The following MYO1E variants were observed in gnomAD, a reference collection of about 807,000 sequenced individuals.
MYO1E encodes the protein myosin IE, also known as unconventional myosin-Ie.
MYO1E carries 68 observed loss-of-function variants against 151.1 expected under a neutral mutation model. That is an observed-to-expected ratio of 0.45 (90% CI 0.37 to 0.55). The LOEUF (loss-of-function observed/expected upper bound fraction) is 0.55. Among genes scored for constraint, MYO1E ranks in the 20% least tolerant of loss-of-function variants. The pLI is 0.00. For missense variants in MYO1E, 1,363 were observed against 1,389.3 expected, an observed-to-expected ratio of 0.98 and a Z score of 0.30; for synonymous variants, 601 against 501.7, an observed-to-expected ratio of 1.20 and a Z score of -2.64.
rs768996883 is a variant in MYO1E at position 59,133,482 on chromosome 15, TAGAAAGGGTGCTCA to T, written c.*3884_*3897del. ...AACCATACTGAGCCAGTCTTCTTGT[TAGAAAGGGTGCTCA>T]GAGTGGAAAGGTATGATCTAGTAGG... On this transcript the variant is annotated 3_prime_UTR_variant, in exon 28 of 28. Coordinates refer to ENST00000288235, the MANE Select transcript of MYO1E (RefSeq NM_004998.4). 2 of 136,026 alleles carry T rather than the reference TAGAAAGGGTGCTCA, an allele frequency of 1.5e-5. No individual in the cohort carries two copies. The highest frequency in any genetic ancestry group is 2.4e-4 in the East Asian group (1 of 4,088). The allele number at this position is 136,026 out of a possible 1,614,324, so 8.4% of individuals were successfully genotyped here. A position where few individuals can be genotyped will look rare whatever the true frequency, so the allele number is the denominator to read the frequency against.
At chr15:59,148,169 T>G (rs1817924503) in intron 26 of MYO1E, among the ~76,000 whole-genome samples, 1 of 152,122 alleles carries the variant, frequency 6.6e-6, no homozygotes, top group African/African-American at 2.4e-5. Flanking sequence ...ATTATACAGG[T>G]GAAGACACCA....
At chr15:59,293,142 G>C (rs1183197158) in intron 1 of MYO1E, among the ~76,000 whole-genome samples, 2 of 152,112 alleles carry the variant, frequency 1.3e-5, no homozygotes, top group African/African-American at 2.4e-5. Context: ...TATTCTGCTA[G>C]GAAAAGAAGG....
At chr15:59,322,119 G>T (rs1216054417) in intron 1 of MYO1E, among the ~76,000 whole-genome samples, 2 of 151,354 alleles carry the variant, frequency 1.3e-5, no homozygotes, top group Non-Finnish European at 2.9e-5. Flanking sequence ...AGGTTGCAGT[G>T]AGCCAAGTTC....
At chr15:59,303,162 T>C (rs1196172746) in intron 1 of MYO1E, among the ~76,000 whole-genome samples, 1 of 152,198 alleles carries the variant, frequency 6.6e-6, no homozygotes, top group Non-Finnish European at 1.5e-5. Context: ...CTAAATTTGA[T>C]TGTTAGAATT....
chr15:59,150,517 A>C (rs1431082595), intron 26 of MYO1E, among the ~76,000 whole-genome samples: 1 of 152,240 alleles, frequency 6.6e-6, no homozygotes, highest in African/African-American at 2.4e-5. Context: ...CAGCTAGCAC[A>C]CAGAGCTAAG....
intron 26 of MYO1E, among the ~76,000 whole-genome samples, chr15:59,150,811 T>G (rs1182323383): frequency 1.3e-5 from 2 of 152,088 alleles, no homozygotes; most frequent in African/African-American, 4.8e-5. Flanking sequence ...CAAATGCAAA[T>G]TCTTAGGCCC....
At chr15:59,207,013 G>A (rs778599098) in intron 14 of MYO1E, 1 of 1,614,202 alleles carries the variant, frequency 6.2e-7, no homozygotes, top group East Asian at 2.2e-5. Context: ...CCTATGCCTG[G>A]GGATGGCCCT....
intron 26 of MYO1E, 106 bp from the exon 27 acceptor site, chr15:59,138,473 C>T (rs2079387895): frequency 5.8e-6 from 7 of 1,214,070 alleles, no homozygotes; most frequent in Non-Finnish European, 8.3e-6. Context: ...AAGTTCAAAT[C>T]CAGCTCCATC....
rs372285269 is a variant in MYO1E at position 59,305,833 on chromosome 15, G to A, written c.4-33384C>T. ...GCCGTGTGACATAAGTGGAAGGGGT[G>A]TATTCAAGTTCTAGGACATTCAAAA... On this transcript the variant is annotated intron_variant, in intron 1 of 27. Coordinates refer to ENST00000288235, the MANE Select transcript of MYO1E (RefSeq NM_004998.4). Among the ~76,000 whole-genome samples the A allele has an allele frequency of 4.4e-4, 67 of 152,324 alleles. 1 individual carries two copies. In the South Asian group the frequency reaches 0.013, roughly 30 times the overall value.
intron 1 of MYO1E, among the ~76,000 whole-genome samples, chr15:59,318,129 C>T (rs1005308590): frequency 2.0e-5 from 3 of 152,114 alleles, no homozygotes; most frequent in Non-Finnish European, 4.4e-5. Flanking sequence ...CATGTGGTCA[C>T]CACATGTAGG....
In MYO1E at chr15:59,231,688, G is replaced by T; in HGVS notation, c.510+14C>A. On this transcript the variant is annotated intron_variant, in intron 6 of 27. Transcript: ENST00000288235. ...CAATCAAGCGACACTCTCTGAAACA[G>T]GGAAGGGACTTACAAATCGGCTGGA... is the stretch of plus-strand genomic sequence containing the variant. 2.5e-6 allele frequency: 4 copies of T among 1,612,606 alleles called. No individual in the cohort carries two copies. The highest frequency in any genetic ancestry group is 3.4e-6 in the Non-Finnish European group (4 of 1,178,594).
intron 4 of MYO1E, among the ~76,000 whole-genome samples, chr15:59,242,626 AGGAGTCATTAAT>A (rs2080106799): frequency 6.6e-6 from 1 of 152,224 alleles, no homozygotes; most frequent in Non-Finnish European, 1.5e-5. Flanking sequence ...ACAGGTGTCC[AGGAGTCATTAAT>A]GGATGCTAAG....
intron 18 of MYO1E, among the ~76,000 whole-genome samples, chr15:59,179,109 T>G (rs1207588652): frequency 6.6e-6 from 1 of 152,130 alleles, no homozygotes; most frequent in Non-Finnish European, 1.5e-5. Flanking sequence ...GGCCTCTTCT[T>G]CATGCCCACC....
At chr15:59,170,514 C>G (rs1277618286) in intron 22 of MYO1E, among the ~76,000 whole-genome samples, 2 of 151,956 alleles carry the variant, frequency 1.3e-5, no homozygotes, top group African/African-American at 4.8e-5. Context: ...CACTGCCCCG[C>G]TCAGGTTGGG....
In MYO1E at chr15:59,171,965, G is replaced by C. The variant is rs773010852; in HGVS notation, c.2412C>G (p.Asp804Glu). 2 of 1,614,080 alleles carry C rather than the reference G, an allele frequency of 1.2e-6. No individual in the cohort carries two copies. The highest frequency in any genetic ancestry group is 1.7e-6 in the Non-Finnish European group (2 of 1,180,040). The part of the protein sequence containing the change: ...IGREKVKQGP[D>E]KGLVKEVLKR... ...TCAGGACTTCTTTCACCAGGCCCTT[G>C]TCTGGGCCCTGTTTGACTTTTTCTC... Residue 804 changes from aspartate to glutamate, a missense_variant, in exon 22 of 28, where the codon GAC becomes GAG. By Grantham distance (45) the Asp-to-Glu change is conservative. Transcript: ENST00000288235.
Position 59,147,948 on chromosome 15 carries a change from G to A in MYO1E, c.3080+5642C>T, listed in dbSNP as rs141913263. 1.5e-4 allele frequency among the ~76,000 whole-genome samples: 23 copies of A among 152,302 alleles called. No individual in the cohort carries two copies. The East Asian group carries it at 4.1e-3, about 27-fold the overall frequency. ...AGGCAGGCCAGAGATTTGAGTTCTT[G>A]AGAATAAAGCCACTGGGCCAGGAAA... On this transcript the variant is annotated intron_variant, in intron 26 of 27. Transcript: ENST00000288235.
At chr15:59,319,550 CTTTTTTTTTTTTTTTTTTTTTT>C (rs59491381) in intron 1 of MYO1E, among the ~76,000 whole-genome samples, 2 of 63,680 alleles carry the variant, frequency 3.1e-5, no homozygotes, top group Non-Finnish European at 7.2e-5. Flanking sequence ...GTCAAACTAC[CTTTTTTTTTTTTTTTTTTTTTT>C]TTTTTTTTTG....
chr15:59,159,235 G>A lies in MYO1E; in HGVS notation c.2786-856C>T, dbSNP rs573484663. Among the ~76,000 whole-genome samples the A allele has an allele frequency of 5.9e-5, 9 of 152,356 alleles. No homozygotes were observed. The South Asian group carries it at 1.9e-3, about 32-fold the overall frequency. On this transcript the variant is annotated intron_variant, in intron 24 of 27. Transcript: ENST00000288235. The surrounding 1 kb of genome is among the most constrained non-coding windows in gnomAD (Gnocchi z 4.4). Reference sequence around the variant, plus strand: ...GATCGGGGCAAACCCAGTGTGGCCTGCTGGACGCTTCCCTCCCAGTACCTA... The same window carrying A: ...GATCGGGGCAAACCCAGTGTGGCCTACTGGACGCTTCCCTCCCAGTACCTA...
At position 59,137,403 on chromosome 15, in the gene MYO1E, T is replaced by C; in HGVS notation, c.3304A>G (p.Asn1102Asp). The C allele has an allele frequency of 6.2e-7, 1 of 1,614,180 alleles. No individual in the cohort carries two copies. The highest frequency in any genetic ancestry group is 8.5e-7 in the Non-Finnish European group (1 of 1,180,030). Reference protein sequence around the residue: ...RLRGKQGLFPNNYVTKI With the variant: ...RLRGKQGLFPDNYVTKI ...CCTCAGATCTTGGTCACATAGTTGTTGGGGAACAGGCCCTGCTTGCCTCGT... is the reference window on the plus strand; with the variant it reads ...CCTCAGATCTTGGTCACATAGTTGTCGGGGAACAGGCCCTGCTTGCCTCGT... The change falls in exon 28 of 28, where the codon AAC (asparagine) becomes GAC (aspartate). Residue 1102 changes from asparagine to aspartate, a missense_variant. Asn to Asp is a conservative substitution (Grantham distance 23). Coordinates refer to ENST00000288235, the MANE Select transcript of MYO1E (RefSeq NM_004998.4).
Sources: gnomAD v4.1 joint callset for allele counts (sites outside exome capture counted in the v4.1 genomes callset) on GRCh38, gnomAD v4.1.1 for gene constraint, Gnocchi (gnomAD v3.1) non-coding constraint, MANE v1.5 for transcripts, NCBI Gene and HGNC (gene_info 2026-07-23, HGNC 2026-07-21) for gene names.